Variants in CSMD3 observed in about 807,000 individuals in gnomAD.
CSMD3 encodes the protein CUB and sushi domain-containing protein 3.
CSMD3 carries 177 observed loss-of-function variants against 435.2 expected under a neutral mutation model. The ratio of observed to expected loss-of-function variants is 0.41; its 90% CI spans 0.36 to 0.46. CSMD3 has a LOEUF of 0.46. Ranked by LOEUF, CSMD3 falls within the 20% of genes least tolerant of loss-of-function variation. The pLI is 0.34. For synonymous variants in CSMD3, 1,656 were observed against 1,520.5 expected (o/e 1.09, Z -2.07); for missense variants, 4,265 against 4,504.6 (o/e 0.95, Z 1.52).
At chr8:112,810,269 GTAAC>G (rs779486149) in intron 12 of CSMD3, among the ~76,000 whole-genome samples, 34 of 152,128 alleles carry the variant, frequency 2.2e-4, no homozygotes, top group Non-Finnish European at 2.5e-4. Context: ...CAAAGTAAAA[GTAAC>G]TAATATGTGT....
chr8:112,361,572 C>CATACATATATATAT lies in CSMD3; in HGVS notation c.6137-9039_6137-9038insATATATATATGTAT, dbSNP rs1314097693. The stretch of plus-strand genomic sequence containing the variant: ...GTGTGTATGTATATATATACACATA[C>CATACATATATATAT]ATATATATATATATATATATATATA... On this transcript the variant is annotated intron_variant, in intron 38 of 70. Transcript: ENST00000297405. Among the ~76,000 whole-genome samples the CATACATATATATAT allele has an allele frequency of 7.5e-5, 8 of 107,190 alleles. 1 individual carries two copies. The highest frequency in any genetic ancestry group is 2.4e-4 in the African/African-American group (7 of 29,120). The allele number at this position is 107,190 out of a possible 152,430, so 70.3% of individuals were successfully genotyped here. A position where few individuals can be genotyped will look rare whatever the true frequency, so the allele number is the denominator to read the frequency against.
At chr8:112,373,181 T>C (rs901580630) in intron 38 of CSMD3, among the ~76,000 whole-genome samples, 2 of 151,826 alleles carry the variant, frequency 1.3e-5, no homozygotes, top group African/African-American at 2.4e-5. Flanking sequence ...AGAGTCTACT[T>C]TCTTGGATGA....
chr8:112,763,903 T>C (rs1259255102), intron 13 of CSMD3, among the ~76,000 whole-genome samples: 1 of 151,354 alleles, frequency 6.6e-6, no homozygotes, highest in Non-Finnish European at 1.5e-5. Context: ...TTTTTTTTTC[T>C]TGCTGGCAGC....
At chr8:112,235,631 C>T (rs943599413) in intron 67 of CSMD3, among the ~76,000 whole-genome samples, 2 of 151,994 alleles carry the variant, frequency 1.3e-5, no homozygotes, top group Non-Finnish European at 2.9e-5. Flanking sequence ...AAGAAAAAAT[C>T]TGATTAACTG....
intron 7 of CSMD3, among the ~76,000 whole-genome samples, chr8:112,956,691 TA>T (rs1247931859): frequency 1.3e-5 from 2 of 152,108 alleles, no homozygotes; most frequent in Non-Finnish European, 2.9e-5. Context: ...AATAATAAGT[TA>T]CTAATATTGG....
At chr8:113,371,669 C>T (rs892219074) in intron 1 of CSMD3, among the ~76,000 whole-genome samples, 9 of 152,158 alleles carry the variant, frequency 5.9e-5, no homozygotes, top group East Asian at 1.9e-4. Flanking sequence ...ATGCAGGCAA[C>T]GAATCACAGA....
At chr8:112,704,450 T>G (rs991836153) in intron 13 of CSMD3, among the ~76,000 whole-genome samples, 2 of 152,138 alleles carry the variant, frequency 1.3e-5, no homozygotes, top group Admixed American at 6.6e-5. Flanking sequence ...AGCTCTTAGA[T>G]CGCAAATTTA....
intron 28 of CSMD3, among the ~76,000 whole-genome samples, chr8:112,516,420 A>C (rs1402608611): frequency 3.3e-5 from 5 of 152,188 alleles, no homozygotes; most frequent in African/African-American, 9.6e-5. Flanking sequence ...TTTTTATTCC[A>C]AAAGCGGGAC....
At position 112,390,557 on chromosome 8, in the gene CSMD3, A is replaced by T. The variant is rs1830322168; in HGVS notation, c.5934+107T>A. On this transcript the variant is annotated intron_variant, in intron 36 of 70. Transcript: ENST00000297405. ...TCTTTCTATTCATTTCAACCATGTC[A>T]GTCAAAACCACTTGCTAAACTTTTA... 5 of 915,472 alleles carry T rather than the reference A, an allele frequency of 5.5e-6. No individual in the cohort carries two copies. The South Asian group carries it at 5.5e-5, about 10-fold the overall frequency. The allele number at this position is 915,472 out of a possible 1,614,324, so 56.7% of individuals were successfully genotyped here.
At chr8:112,910,921 G>T (rs1484221980) in intron 10 of CSMD3, among the ~76,000 whole-genome samples, 1 of 151,832 alleles carries the variant, frequency 6.6e-6, no homozygotes, top group Non-Finnish European at 1.5e-5. Flanking sequence ...CCATTTTGCA[G>T]CATTTCACAA....
chr8:112,688,183 G>A (rs554601001), intron 14 of CSMD3, among the ~76,000 whole-genome samples: 1 of 152,150 alleles, frequency 6.6e-6, no homozygotes, highest in Non-Finnish European at 1.5e-5. Context: ...CCCACAATCT[G>A]TTTGCCATCT....
rs1274747452 is a variant in CSMD3 at position 112,405,183 on chromosome 8, C to CAAAAAAAA, written c.5809+1333_5809+1340dup. ...TGAGCGACACAGCAAGACTCTCTCT[C>CAAAAAAAA]AAAAAAAAAAAAAAAAAAAAAAAAA... is the stretch of plus-strand genomic sequence containing the variant. On this transcript the variant is annotated intron_variant, in intron 35 of 70. Coordinates refer to ENST00000297405, the MANE Select transcript of CSMD3 (RefSeq NM_198123.2). 8.0e-3 allele frequency among the ~76,000 whole-genome samples: 54 copies of CAAAAAAAA among 6,766 alleles called. 15 individuals are homozygous for CAAAAAAAA. The highest frequency in any genetic ancestry group is 0.018 in the East Asian group (4 of 226). The allele number at this position is 6,766 out of a possible 152,430, so 4.4% of individuals were successfully genotyped here. A position where few individuals can be genotyped will look rare whatever the true frequency, so the allele number is the denominator to read the frequency against.
intron 9 of CSMD3, among the ~76,000 whole-genome samples, chr8:112,944,304 T>A (rs2083538503): frequency 6.6e-6 from 1 of 151,694 alleles, no homozygotes; most frequent in Non-Finnish European, 1.5e-5. Context: ...CTTCTCTGTC[T>A]TCCTTTCTAT....
intron 1 of CSMD3, among the ~76,000 whole-genome samples, chr8:113,369,440 T>C (rs187809006): frequency 2.0e-5 from 3 of 152,010 alleles, no homozygotes; most frequent in Non-Finnish European, 4.4e-5. Context: ...AAGGAAACTG[T>C]TGTACATTGT....
intron 10 of CSMD3, among the ~76,000 whole-genome samples, chr8:112,911,617 T>TTG (rs926291014): frequency 3.2e-4 from 39 of 122,918 alleles, no homozygotes; most frequent in Admixed American, 1.5e-3. Context: ...TTGTATTCCA[T>TTG]TGTGTGTGTG....
intron 12 of CSMD3, among the ~76,000 whole-genome samples, chr8:112,801,479 C>T (rs2078961094): frequency 1.3e-5 from 2 of 152,162 alleles, no homozygotes; most frequent in Admixed American, 1.3e-4. Context: ...ATATATTACA[C>T]TGAAGAACAC....
At chr8:112,277,788 G>C (rs898212531) in intron 59 of CSMD3, among the ~76,000 whole-genome samples, 2 of 152,164 alleles carry the variant, frequency 1.3e-5, no homozygotes, top group African/African-American at 2.4e-5. Flanking sequence ...ACAGTCAAGA[G>C]AGAATGAGAA....
chr8:113,013,322 G>A (rs568325653), intron 6 of CSMD3, among the ~76,000 whole-genome samples: 1 of 152,064 alleles, frequency 6.6e-6, no homozygotes, highest in South Asian at 2.1e-4. Flanking sequence ...CAAATTTTAT[G>A]TTTCATCACA....
At chr8:112,661,186 C>A (rs1339706506) in intron 17 of CSMD3, among the ~76,000 whole-genome samples, 1 of 151,832 alleles carries the variant, frequency 6.6e-6, no homozygotes, top group East Asian at 1.9e-4. Context: ...TGCTAAGTAA[C>A]GCTATAGAAA....
Sources: gnomAD v4.1 joint callset for allele counts (sites outside exome capture counted in the v4.1 genomes callset) on GRCh38, gnomAD v4.1.1 for gene constraint, MANE v1.5 for transcripts, NCBI Gene and HGNC (gene_info 2026-07-23, HGNC 2026-07-21) for gene names.